Variants in FRMD5 observed in about 807,000 individuals in gnomAD.
The protein encoded by FRMD5 is FERM domain-containing protein 5.
Under a neutral mutation model 69.0 loss-of-function variants are expected in FRMD5, and 20 were observed. That is an observed-to-expected ratio of 0.29 (90% CI 0.20 to 0.42). The LOEUF (loss-of-function observed/expected upper bound fraction) is 0.42, where lower values mean the gene tolerates loss of function less well. FRMD5 is among the 10% of genes least tolerant of loss of function. The pLI, the probability that FRMD5 is intolerant of heterozygous loss-of-function variation, is 1.00. For missense variants in FRMD5, 595 were observed against 708.6 expected (o/e 0.84, Z 1.82); for synonymous variants, 271 against 260.1 (o/e 1.04, Z -0.40).
chr15:43,962,590 A>T (rs1226189080), intron 1 of FRMD5, among the ~76,000 whole-genome samples: 5 of 152,228 alleles, frequency 3.3e-5, no homozygotes, highest in Non-Finnish European at 7.3e-5. Context: ...CAGAGCCCGC[A>T]TTGCCAAGTC....
chr15:43,972,854 G>A (rs555253511), intron 1 of FRMD5, among the ~76,000 whole-genome samples: 1 of 152,130 alleles, frequency 6.6e-6, no homozygotes. Flanking sequence ...CTTTCCGAAG[G>A]ATAAGAGATC....
At chr15:43,879,382 A>G (rs549450811) in intron 13 of FRMD5, 128 of 397,584 alleles carry the variant, frequency 3.2e-4, no homozygotes, top group Middle Eastern at 1.9e-3. Context: ...TCACTGCTGT[A>G]AAAGCCACCA....
intron 1 of FRMD5, among the ~76,000 whole-genome samples, chr15:44,018,254 TACATAA>T (rs771529994): frequency 2.6e-5 from 4 of 152,200 alleles, no homozygotes; most frequent in African/African-American, 4.8e-5. Context: ...ATAAATGGAA[TACATAA>T]ACATAAACTA....
chr15:43,965,412 G>T (rs2090277148), intron 1 of FRMD5, among the ~76,000 whole-genome samples: 1 of 152,052 alleles, frequency 6.6e-6, no homozygotes, highest in Non-Finnish European at 1.5e-5. Context: ...TATGATTGAA[G>T]AAGCTAAGAA....
chr15:44,196,950 G>C (rs1243158723), upstream of FRMD5, among the ~76,000 whole-genome samples: 1 of 152,078 alleles, frequency 6.6e-6, no homozygotes, highest in Non-Finnish European at 1.5e-5. Flanking sequence ...AGTGTTCCAG[G>C]CATAAAACCA....
intron 1 of FRMD5, among the ~76,000 whole-genome samples, chr15:44,153,152 C>G (rs533820723): frequency 6.6e-6 from 1 of 152,216 alleles, no homozygotes; most frequent in Admixed American, 6.5e-5. Context: ...AATAGTATGG[C>G]ACTTCCTCAA....
intron 1 of FRMD5, among the ~76,000 whole-genome samples, chr15:44,093,071 A>T (rs1336207473): frequency 6.6e-6 from 1 of 151,522 alleles, no homozygotes; most frequent in African/African-American, 2.4e-5. Flanking sequence ...AGCTAGGACT[A>T]TAGGCGCGCA....
chr15:43,922,355 G>A (rs1002725192), intron 2 of FRMD5, among the ~76,000 whole-genome samples: 6 of 152,164 alleles, frequency 3.9e-5, no homozygotes, highest in African/African-American at 1.2e-4. Context: ...AATAACATAC[G>A]TGAAGCTCTT....
chr15:43,897,487 CAAAAAA>C (rs34243475), intron 7 of FRMD5, among the ~76,000 whole-genome samples: 2 of 16,138 alleles, frequency 1.2e-4, no homozygotes, highest in Non-Finnish European at 2.6e-4. Context: ...CACTCCATCT[CAAAAAA>C]AAAAAAAAAA....
intron 1 of FRMD5, among the ~76,000 whole-genome samples, chr15:44,176,274 A>G (rs2077892793): frequency 6.6e-6 from 1 of 152,224 alleles, no homozygotes; most frequent in Admixed American, 6.5e-5. Flanking sequence ...AGACAATTTA[A>G]TGAGGAAAAG....
At chr15:44,018,049 C>A (rs1175396477) in intron 1 of FRMD5, among the ~76,000 whole-genome samples, 1 of 152,180 alleles carries the variant, frequency 6.6e-6, no homozygotes, top group African/African-American at 2.4e-5. Flanking sequence ...CTCTGCACAT[C>A]TATATTAGCA....
chr15:44,170,193 G>A (rs1441771140), intron 1 of FRMD5, among the ~76,000 whole-genome samples: 1 of 152,044 alleles, frequency 6.6e-6, no homozygotes, highest in African/African-American at 2.4e-5. Flanking sequence ...TGGGACTACA[G>A]GAGAACACCA....
Position 44,126,789 on chromosome 15 carries a change from T to C in FRMD5, c.102+68164A>G, listed in dbSNP as rs374829343. Among the ~76,000 whole-genome samples the C allele has an allele frequency of 5.9e-5, 9 of 152,250 alleles. No individual in the cohort carries two copies. The East Asian group carries it at 9.7e-4, about 16-fold the overall frequency. ...CCTCCCACTCTCAGCTGACCAATCTTCCAACCTGTCATTGCCTAAATAACT... is the reference window on the plus strand; with the variant it reads ...CCTCCCACTCTCAGCTGACCAATCTCCCAACCTGTCATTGCCTAAATAACT... On this transcript the variant is annotated intron_variant, in intron 1 of 13. Transcript: ENST00000417257.
intron 1 of FRMD5, among the ~76,000 whole-genome samples, chr15:43,957,775 A>T (rs1431599221): frequency 6.6e-6 from 1 of 152,234 alleles, no homozygotes; most frequent in East Asian, 1.9e-4. Context: ...TCTTTCATTG[A>T]TTATTAATTC....
At chr15:44,069,651 G>C (rs891065242) in intron 1 of FRMD5, among the ~76,000 whole-genome samples, 1 of 152,158 alleles carries the variant, frequency 6.6e-6, no homozygotes, top group African/African-American at 2.4e-5. Context: ...GTTGCCAAGT[G>C]TCAAGGATGA....
intron 1 of FRMD5, among the ~76,000 whole-genome samples, chr15:43,996,714 G>GTTTTTTTTTTTTTTTTT (rs1491101376): frequency 4.2e-5 from 2 of 48,078 alleles, no homozygotes; most frequent in Non-Finnish European, 4.0e-5. Context: ...CTCCTCAGCT[G>GTTTTTTTTTTTTTTTTT]ATTTTTTTTT....
intron 1 of FRMD5, among the ~76,000 whole-genome samples, chr15:44,011,102 A>G (rs1595620885): frequency 6.6e-6 from 1 of 151,986 alleles, no homozygotes; most frequent in East Asian, 1.9e-4. Context: ...TGCTTGGTGG[A>G]TTAAGGAAAG....
chr15:43,973,302 G>C lies in FRMD5; in HGVS notation c.103-48993C>G, dbSNP rs142349429. Among the ~76,000 whole-genome samples the C allele has an allele frequency of 1.1e-3, 174 of 151,694 alleles. 5 individuals carry two copies. The East Asian group carries it at 0.03, about 26-fold the overall frequency. Reference sequence around the variant, plus strand: ...CTCCCAAAGTGCTGGGATTACAGGCGTGAGCCACCGCACCTGGCCGATTTT... The same window carrying C: ...CTCCCAAAGTGCTGGGATTACAGGCCTGAGCCACCGCACCTGGCCGATTTT... On this transcript the variant is annotated intron_variant, in intron 1 of 13. Transcript: ENST00000417257.
At chr15:44,044,341 A>G (rs2140325443) in intron 1 of FRMD5, among the ~76,000 whole-genome samples, 1 of 152,342 alleles carries the variant, frequency 6.6e-6, no homozygotes, top group East Asian at 1.9e-4. Flanking sequence ...AACTAGTTCA[A>G]CCATTGTGGA....
Sources: gnomAD v4.1 joint callset for allele counts (sites outside exome capture counted in the v4.1 genomes callset) on GRCh38, gnomAD v4.1.1 for gene constraint, MANE v1.5 for transcripts, NCBI Gene and HGNC (gene_info 2026-07-23, HGNC 2026-07-21) for gene names.